Variants in TG observed in about 807,000 individuals in gnomAD.
TG encodes the protein thyroglobulin.
In TG, 270 loss-of-function variants were observed where a neutral mutation model predicts 324.7. The observed-to-expected ratio is 0.83, with a 90% CI of 0.75 to 0.92. TG has a LOEUF of 0.92. TG is among the 40% of genes least tolerant of loss of function. TG has a pLI of 0.00. For missense variants in TG, 3,591 were observed against 3,456.4 expected, an observed-to-expected ratio of 1.04 and a Z score of -0.98; for synonymous variants, 1,401 against 1,327.0, an observed-to-expected ratio of 1.06 and a Z score of -1.21.
At chr8:133,129,044 G>C (rs1468001718) in intron 45 of TG, among the ~76,000 whole-genome samples, 1 of 152,082 alleles carries the variant, frequency 6.6e-6, no homozygotes, top group African/African-American at 2.4e-5. Flanking sequence ...TCCTCCAGAG[G>C]GTCCTGGAAC....
At chr8:133,095,957 C>A (rs1435465089) in intron 42 of TG, among the ~76,000 whole-genome samples, 1 of 152,202 alleles carries the variant, frequency 6.6e-6, no homozygotes, top group East Asian at 1.9e-4. Context: ...CCCATCCCTA[C>A]CTGGGGATCT....
intron 41 of TG, chr8:133,046,354 T>C (rs1043951109): frequency 1.3e-5 from 2 of 152,264 alleles, no homozygotes; most frequent in African/African-American, 2.4e-5. Context: ...AGAGCCCCTA[T>C]GGGATATGGC....
At chr8:132,957,704 G>T (rs544757218) in intron 27 of TG, among the ~76,000 whole-genome samples, 1 of 147,256 alleles carries the variant, frequency 6.8e-6, no homozygotes, top group Admixed American at 6.9e-5. Context: ...TGTATTGAGG[G>T]ACTGTAACCC....
chr8:132,898,096 A>G (rs1817382018), intron 12 of TG, 73 bp from the exon 13 acceptor site: 1 of 1,419,010 alleles, frequency 7.0e-7, no homozygotes, highest in Non-Finnish European at 9.8e-7. Flanking sequence ...GAAGAAGGAA[A>G]GTTGTTTATG....
chr8:133,038,517 T>C (rs1174050715), intron 41 of TG: 2 of 1,599,702 alleles, frequency 1.3e-6, no homozygotes, highest in Non-Finnish European at 1.7e-6. Flanking sequence ...ATTGTGTCTG[T>C]TCTTGGCTAG....
intron 22 of TG, among the ~76,000 whole-genome samples, chr8:132,925,430 A>G (rs1158615551): frequency 6.6e-6 from 1 of 152,054 alleles, no homozygotes; most frequent in Non-Finnish European, 1.5e-5. Flanking sequence ...ACATTAGTGA[A>G]AATCCAAGTG....
At chr8:132,978,323 G>A (rs1830421482) in intron 34 of TG, among the ~76,000 whole-genome samples, 1 of 152,120 alleles carries the variant, frequency 6.6e-6, no homozygotes, top group Admixed American at 6.5e-5. Context: ...TGCGAGGACA[G>A]TACCAAGCCA....
intron 31 of TG, among the ~76,000 whole-genome samples, 156 bp from the exon 32 acceptor site, chr8:132,969,302 T>G (rs1432333341): frequency 1.3e-5 from 2 of 152,216 alleles, no homozygotes; most frequent in Non-Finnish European, 2.9e-5. Flanking sequence ...TTGCCATCAT[T>G]TTAGTGAGAT....
intron 35 of TG, among the ~76,000 whole-genome samples, chr8:132,992,016 G>A (rs530711969): frequency 6.6e-6 from 1 of 152,242 alleles, no homozygotes; most frequent in Admixed American, 6.5e-5. Context: ...TCTCTCCACA[G>A]GTGCAGGAGG....
At chr8:133,002,579 T>A (rs1389769679) in intron 35 of TG, 1 of 279,270 alleles carries the variant, frequency 3.6e-6, no homozygotes, top group African/African-American at 2.4e-5. Context: ...TACAGTCTGA[T>A]GTCTTATATT....
At chr8:133,130,646 C>T (rs141339221) in intron 45 of TG, among the ~76,000 whole-genome samples, 1 of 152,182 alleles carries the variant, frequency 6.6e-6, no homozygotes, top group East Asian at 1.9e-4. Flanking sequence ...AAGTATTCTC[C>T]CCAGGGCTTT....
At chr8:132,992,161 CTAAGCA>C (rs2130774124) in intron 35 of TG, among the ~76,000 whole-genome samples, 2 of 152,250 alleles carry the variant, frequency 1.3e-5, no homozygotes, top group East Asian at 3.9e-4. Flanking sequence ...GTACCAGGCA[CTAAGCA>C]CTGGGGTACG....
At chr8:133,097,764 G>A (rs1482314292) in intron 43 of TG, among the ~76,000 whole-genome samples, 2 of 152,092 alleles carry the variant, frequency 1.3e-5, no homozygotes, top group African/African-American at 4.8e-5. Context: ...TACTATTGCT[G>A]TATATATATA....
At chr8:132,882,357 T>C (rs1025096755) in intron 6 of TG, 112 bp from the exon 7 acceptor site, 28 of 1,257,088 alleles carry the variant, frequency 2.2e-5, no homozygotes, top group South Asian at 8.4e-5. Context: ...TTCAGACTTA[T>C]TGCCTAATGA....
chr8:132,975,246 C>T (rs1043625163), intron 34 of TG, among the ~76,000 whole-genome samples: 2 of 152,144 alleles, frequency 1.3e-5, no homozygotes, highest in Non-Finnish European at 2.9e-5. Context: ...CCTTACCTCA[C>T]CAAAGTCTTA....
rs549087238 is a variant in TG, at chr8:133,011,614, T to C, written c.6263-287T>C. On this transcript the variant is annotated intron_variant, in intron 35 of 47. Transcript: ENST00000220616. The stretch of plus-strand genomic sequence containing the variant: ...TGTTTTTCTTTCTTCTCAACTTCTC[T>C]CCCATTCTACTATGAGCTGCTTAAT... 2.6e-5 allele frequency among the ~76,000 whole-genome samples: 4 copies of C among 152,324 alleles called. No homozygotes were observed. In the South Asian group the frequency reaches 8.3e-4, roughly 32 times the overall value.
chr8:132,943,309 C>T (rs150512294), intron 26 of TG, among the ~76,000 whole-genome samples: 1 of 152,096 alleles, frequency 6.6e-6, no homozygotes, highest in African/African-American at 2.4e-5. Context: ...CCCCCTCTCT[C>T]TAACTCCTGA....
At chr8:133,105,621 T>C (rs1011858278) in intron 43 of TG, among the ~76,000 whole-genome samples, 1 of 152,110 alleles carries the variant, frequency 6.6e-6, no homozygotes, top group Admixed American at 6.6e-5. Context: ...GAGGCATTTA[T>C]ATGAAGGTAT....
Position 132,923,338 on chromosome 8 carries a change from GTGTCACTGACT to G in TG, c.4530_4540del (p.Cys1510TrpfsTer11). ...GGCTATGTCAATCTATTGGTTCTAG[GTGTCACTGACT>G]GTCAGAGGAACGAAGCAGGCCTGCA... On this transcript the variant is annotated frameshift_variant and splice_region_variant, in exon 22 of 48. Transcript: ENST00000220616. LOFTEE classifies it high-confidence loss of function. 2 of 1,614,124 alleles carry G rather than the reference GTGTCACTGACT, an allele frequency of 1.2e-6. No homozygotes were observed. The highest frequency in any genetic ancestry group is 1.7e-6 in the Non-Finnish European group (2 of 1,180,030).
Sources: gnomAD v4.1 joint callset for allele counts (sites outside exome capture counted in the v4.1 genomes callset) on GRCh38, gnomAD v4.1.1 for gene constraint, MANE v1.5 for transcripts, NCBI Gene and HGNC (gene_info 2026-07-23, HGNC 2026-07-21) for gene names.